The following TRIM71 variants were observed in gnomAD, a reference collection of about 807,000 sequenced individuals.
TRIM71 encodes the protein E3 ubiquitin-protein ligase TRIM71.
A neutral mutation model predicts 61.2 loss-of-function variants in TRIM71; 9 were observed. That is an observed-to-expected ratio of 0.15 (90% CI 0.09 to 0.26). The LOEUF (loss-of-function observed/expected upper bound fraction) is 0.26. Ranked by LOEUF, TRIM71 falls within the 10% of genes least tolerant of loss-of-function variation. The pLI is 1.00. For missense variants in TRIM71, 998 were observed against 1,238.7 expected (o/e 0.81, Z 2.92); for synonymous variants, 645 against 553.2 (o/e 1.17, Z -2.33).
chr3:32,873,701 T>C, intron 1 of TRIM71, 117 bp from the exon 2 acceptor site: 1 of 962,006 alleles, frequency 1.0e-6, no homozygotes, highest in African/African-American at 1.6e-5. Flanking sequence ...TGGGGTGTGC[T>C]TGCTCATTGG....
chr3:32,823,633 C>T (rs1013590311), intron 1 of TRIM71, among the ~76,000 whole-genome samples: 1 of 146,778 alleles, frequency 6.8e-6, no homozygotes, highest in African/African-American at 2.6e-5. Context: ...TTATCATTGA[C>T]ATTGTTTTCA....
chr3:32,886,482 T>C (rs1291021921), intron 3 of TRIM71, among the ~76,000 whole-genome samples: 3 of 152,142 alleles, frequency 2.0e-5, no homozygotes, highest in African/African-American at 7.2e-5. Context: ...GGGCAGTGAG[T>C]GTGTGTCCTT....
intron 1 of TRIM71, among the ~76,000 whole-genome samples, chr3:32,857,405 T>C (rs1012485437): frequency 3.3e-4 from 51 of 152,264 alleles, no homozygotes; most frequent in African/African-American, 1.2e-3. Flanking sequence ...CTGTGCAAAA[T>C]TTCTAGCCAT....
rs1696235344 is a variant in TRIM71, at chr3:32,828,978, C to T, written c.852+10046C>T. ...TGGGGTTACAGGCATGAGCCACTGT[C>T]CCCCACTAGAAAGCACTAATTTTTT... On this transcript the variant is annotated intron_variant, in intron 1 of 3. Coordinates refer to ENST00000383763, the MANE Select transcript of TRIM71 (RefSeq NM_001039111.3). Among the ~76,000 whole-genome samples, 3 of 150,836 alleles carry T rather than the reference C, an allele frequency of 2.0e-5. No homozygotes were observed. In the South Asian group the frequency reaches 6.3e-4, roughly 32 times the overall value.
intron 1 of TRIM71, among the ~76,000 whole-genome samples, chr3:32,844,102 CGT>C (rs1388648575): frequency 6.6e-6 from 1 of 152,106 alleles, no homozygotes; most frequent in Non-Finnish European, 1.5e-5. Context: ...CTCGCGTCGT[CGT>C]TATTTTGTGT....
chr3:32,882,148 C>CA (rs146074128), intron 2 of TRIM71, among the ~76,000 whole-genome samples: 32,030 of 151,896 alleles, frequency 0.21, 4,278 homozygotes, highest in Middle Eastern at 0.38. Flanking sequence ...TTTTTTGAGA[C>CA]AGAGTTTTGC....
chr3:32,873,661 T>C (rs1338771343), intron 1 of TRIM71, among the ~76,000 whole-genome samples, 157 bp from the exon 2 acceptor site: 1 of 152,192 alleles, frequency 6.6e-6, no homozygotes, highest in African/African-American at 2.4e-5. Flanking sequence ...TTAGTTATGT[T>C]TGCAGTTACG....
chr3:32,886,266 A>T (rs1008471594), intron 3 of TRIM71, among the ~76,000 whole-genome samples, 198 bp downstream of exon 3: 1 of 152,230 alleles, frequency 6.6e-6, no homozygotes, highest in African/African-American at 2.4e-5. Context: ...TAAAACAACA[A>T]GAAGCCTTTT....
intron 1 of TRIM71, among the ~76,000 whole-genome samples, chr3:32,851,959 G>C (rs1159205948): frequency 6.6e-6 from 1 of 152,162 alleles, no homozygotes; most frequent in East Asian, 1.9e-4. Context: ...TTCTTTTGTG[G>C]GGTAGGCAGG....
chr3:32,844,186 A>T (rs906795744), intron 1 of TRIM71, among the ~76,000 whole-genome samples: 3 of 152,096 alleles, frequency 2.0e-5, no homozygotes, highest in African/African-American at 4.8e-5. Context: ...TCCCTACCCC[A>T]TGGAGATTCT....
chr3:32,855,213 TA>T (rs1260553397), intron 1 of TRIM71, among the ~76,000 whole-genome samples: 4 of 152,276 alleles, frequency 2.6e-5, no homozygotes, highest in African/African-American at 9.6e-5. Flanking sequence ...CTACTGTACT[TA>T]AATTCAAATG....
At chr3:32,849,249 G>T (rs1481828440) in intron 1 of TRIM71, among the ~76,000 whole-genome samples, 4 of 151,200 alleles carry the variant, frequency 2.6e-5, no homozygotes, top group Admixed American at 1.3e-4. Context: ...GGTAGAGCGA[G>T]TTCATTTACC....
chr3:32,818,505 G>A lies in TRIM71; in HGVS notation c.425G>A (p.Gly142Glu). Residue 142 changes from glycine to glutamate, a missense_variant, in exon 1 of 4, where the codon GGA (glycine) becomes GAA (glutamate). Physicochemically the swap from Gly to Glu is moderately conservative, Grantham distance 98 (BLOSUM62 -2). Around this residue, in one of 5 missense-constraint regions of TRIM71, gnomAD observed 527 missense variants for 427.8 expected, o/e 1.23. Coordinates refer to ENST00000383763, the MANE Select transcript of TRIM71 (RefSeq NM_001039111.3). ...AACGGGCGCGCCGGCGCTCCGGCGG[G>A]AGCGGGCGGCCACAGCAACCACCGG... ...PKNGRAGAPA[G>E]AGGHSNHRHH... 1 of 1,419,916 alleles carries A rather than the reference G, an allele frequency of 7.0e-7. No individual in the cohort carries two copies. 88.0% of individuals were successfully genotyped at this position (1,419,916 alleles called of 1,614,324 possible). A position where few individuals can be genotyped will look rare whatever the true frequency, so the allele number is the denominator to read the frequency against.
At chr3:32,820,002 G>A (rs1696109576) in intron 1 of TRIM71, among the ~76,000 whole-genome samples, 1 of 152,246 alleles carries the variant, frequency 6.6e-6, no homozygotes, top group Admixed American at 6.5e-5. Context: ...TTATGCGAGT[G>A]TCGTCTTCTC....
rs71068090 is a variant in TRIM71, at chr3:32,826,582, C to CTTTTTTTTTTTTTTTTTTTTTTTTTTTTT, written c.852+7672_852+7673insTTTTTTTTTTTTTTTTTTTTTTTTTTTTT. On this transcript the variant is annotated intron_variant, in intron 1 of 3. Transcript: ENST00000383763. Reference sequence around the variant, plus strand: ...AACTTTAATTCCCATCAGGTGAGTTCTTTTTTTTTTTTTTTTTTTTTTGAG... The same window carrying CTTTTTTTTTTTTTTTTTTTTTTTTTTTTT: ...AACTTTAATTCCCATCAGGTGAGTTCTTTTTTTTTTTTTTTTTTTTTTTTTTTTTTTTTTTTTTTTTTTTTTTTTTTGAG... Among the ~76,000 whole-genome samples, 3 of 83,098 alleles carry CTTTTTTTTTTTTTTTTTTTTTTTTTTTTT rather than the reference C, an allele frequency of 3.6e-5. 1 individual carries two copies. Among genetic ancestry groups the CTTTTTTTTTTTTTTTTTTTTTTTTTTTTT allele is most frequent in the African/African-American group, 1.5e-4 (3 of 19,374 alleles). The allele number at this position is 83,098 out of a possible 152,430, so 54.5% of individuals were successfully genotyped here.
At chr3:32,852,250 G>A (rs1178500938) in intron 1 of TRIM71, among the ~76,000 whole-genome samples, 3 of 152,170 alleles carry the variant, frequency 2.0e-5, no homozygotes, top group Non-Finnish European at 4.4e-5. Context: ...GCACATCCTG[G>A]AGAAGGACAT....
At chr3:32,853,745 G>A (rs1425581893) in intron 1 of TRIM71, among the ~76,000 whole-genome samples, 2 of 152,160 alleles carry the variant, frequency 1.3e-5, no homozygotes, top group African/African-American at 2.4e-5. Flanking sequence ...GGTGGCTCAC[G>A]CCTGTGATCC....
intron 1 of TRIM71, among the ~76,000 whole-genome samples, chr3:32,864,845 G>GGTGTGTGTGT (rs10522411): frequency 4.8e-5 from 7 of 146,442 alleles, no homozygotes; most frequent in East Asian, 2.1e-4. Context: ...AAAATTAAGT[G>GGTGTGTGTGT]GTGTGTGTGT....
At chr3:32,851,410 A>ACTTAGC (rs1279722229) in intron 1 of TRIM71, among the ~76,000 whole-genome samples, 1 of 152,180 alleles carries the variant, frequency 6.6e-6, no homozygotes, top group East Asian at 1.9e-4. Flanking sequence ...TTCTTTGAAG[A>ACTTAGC]CTTAGCGTTG....
Sources: gnomAD v4.1 joint callset for allele counts (sites outside exome capture counted in the v4.1 genomes callset) on GRCh38, gnomAD v4.1.1 for gene constraint, gnomAD v4.1.1 regional missense constraint, MANE v1.5 for transcripts, NCBI Gene and HGNC (gene_info 2026-07-23, HGNC 2026-07-21) for gene names.